Variants in IL1RAPL2 observed in about 807,000 individuals in gnomAD.
IL1RAPL2 encodes the protein X-linked interleukin-1 receptor accessory protein-like 2.
Under a neutral mutation model 44.1 loss-of-function variants are expected in IL1RAPL2, and 3 were observed. That is an observed-to-expected ratio of 0.07 (90% confidence interval 0.03 to 0.18). The LOEUF is 0.18. Ranked by LOEUF, IL1RAPL2 falls within the 10% of genes least tolerant of loss-of-function variation. IL1RAPL2 has a pLI of 1.00. For missense variants in IL1RAPL2, 391 were observed against 496.4 expected (o/e 0.79, Z 2.02); for synonymous variants, 181 against 178.8 (o/e 1.01, Z -0.10).
Position 105,317,582 on chromosome X carries a change from A to G in IL1RAPL2, c.697+50041A>G, listed in dbSNP as rs188904182. ...TGGAGAGCTAAACATAATCCAGATCATGAAGGATCGTTCATGATAGATATG... is the reference window on the plus strand; with the variant it reads ...TGGAGAGCTAAACATAATCCAGATCGTGAAGGATCGTTCATGATAGATATG... On this transcript the variant is annotated intron_variant, in intron 5 of 10. Transcript: ENST00000372582. 2.6e-4 allele frequency among the ~76,000 whole-genome samples: 29 copies of G among 111,851 alleles called. 1 individual carries two copies. In the East Asian group the frequency reaches 6.8e-3, roughly 26 times the overall value.
At chrX:105,106,241 A>G (rs1163518986) in intron 2 of IL1RAPL2, among the ~76,000 whole-genome samples, 3 of 111,543 alleles carry the variant, frequency 2.7e-5, no homozygotes, top group African/African-American at 9.8e-5. Flanking sequence ...CTGTCACCTA[A>G]AAATGTATGA....
chrX:104,869,123 A>G (rs1045144625), intron 2 of IL1RAPL2, among the ~76,000 whole-genome samples: 9 of 111,517 alleles, frequency 8.1e-5, no homozygotes, highest in African/African-American at 2.9e-4. Flanking sequence ...TTGTTTTTGT[A>G]AGGGGAAAAG....
chrX:105,406,060 G>C, intron 5 of IL1RAPL2: 1 of 1,201,134 alleles, frequency 8.3e-7, no homozygotes, highest in Non-Finnish European at 1.1e-6. Flanking sequence ...ACAACTACAC[G>C]CATTACTCCT....
At chrX:104,730,727 G>A (rs1220829706) in intron 2 of IL1RAPL2, among the ~76,000 whole-genome samples, 1 of 108,213 alleles carries the variant, frequency 9.2e-6, no homozygotes, top group African/African-American at 3.3e-5. Flanking sequence ...TAGTCCTTTG[G>A]GTATATACCC....
intron 5 of IL1RAPL2, among the ~76,000 whole-genome samples, chrX:105,311,701 T>C (rs1021670892): frequency 9.1e-6 from 1 of 109,560 alleles, no homozygotes; most frequent in Non-Finnish European, 1.9e-5. Context: ...ATTGTATTTA[T>C]ACTTATTTGT....
chrX:104,857,413 A>G (rs1331197703), intron 2 of IL1RAPL2, among the ~76,000 whole-genome samples: 1 of 111,851 alleles, frequency 8.9e-6, no homozygotes, highest in African/African-American at 3.2e-5. Context: ...TAGCAGTTAA[A>G]CATTTTTCAG....
intron 2 of IL1RAPL2, among the ~76,000 whole-genome samples, chrX:105,007,717 A>T (rs1016022166): frequency 4.5e-5 from 5 of 111,563 alleles, no homozygotes; most frequent in African/African-American, 1.6e-4. Context: ...ACATTCAATT[A>T]CTACATAATC....
At chrX:105,332,445 C>T (rs1279752848) in intron 5 of IL1RAPL2, among the ~76,000 whole-genome samples, 4 of 110,861 alleles carry the variant, frequency 3.6e-5, no homozygotes, top group African/African-American at 1.3e-4. Flanking sequence ...ATGTTCTGTA[C>T]TCAATGATAC....
chrX:105,051,679 G>C (rs1023599541), intron 2 of IL1RAPL2, among the ~76,000 whole-genome samples: 2 of 113,157 alleles, frequency 1.8e-5, no homozygotes, highest in South Asian at 3.6e-4. Context: ...CAGAAAGGGC[G>C]GGCCTCCCAC....
In IL1RAPL2 at chrX:105,447,646, TATAAATATAA is replaced by T. The variant is rs1224417889; in HGVS notation, c.698-36653_698-36644del. On this transcript the variant is annotated intron_variant, in intron 5 of 10. Transcript: ENST00000372582. ...AAATATATATTTATATAAATATAAA[TATAAATATAA>T]ATAAATATAAATATATATAAATATA... 5.8e-4 allele frequency among the ~76,000 whole-genome samples: 44 copies of T among 76,435 alleles called. 1 individual carries two copies. In the East Asian group the frequency reaches 0.017, roughly 30 times the overall value. The allele number at this position is 76,435 out of a possible 115,157, so 66.4% of individuals were successfully genotyped here. A position where few individuals can be genotyped will look rare whatever the true frequency, so the allele number is the denominator to read the frequency against.
intron 6 of IL1RAPL2, among the ~76,000 whole-genome samples, chrX:105,518,676 A>G (rs2036533412): frequency 8.9e-6 from 1 of 111,858 alleles, no homozygotes; most frequent in African/African-American, 3.2e-5. Context: ...TCTCACCACT[A>G]CTTGTAGAAA....
intron 10 of IL1RAPL2, among the ~76,000 whole-genome samples, chrX:105,762,305 A>G (rs2038694023): frequency 3.6e-5 from 4 of 111,647 alleles, no homozygotes. Flanking sequence ...TTTAGGTAGC[A>G]ACTTTCTTTG....
At chrX:104,949,366 C>T (rs1925500063) in intron 2 of IL1RAPL2, among the ~76,000 whole-genome samples, 2 of 111,146 alleles carry the variant, frequency 1.8e-5, no homozygotes, top group South Asian at 7.7e-4. Context: ...TTTCAAAAAA[C>T]CAGCTCCTGG....
intron 4 of IL1RAPL2, among the ~76,000 whole-genome samples, chrX:105,256,666 A>G (rs1328470709): frequency 1.8e-5 from 2 of 111,252 alleles, no homozygotes; most frequent in Non-Finnish European, 3.8e-5. Flanking sequence ...TAGTTTGTCC[A>G]GGGATTCAAT....
At chrX:104,993,364 C>T (rs2030697466) in intron 2 of IL1RAPL2, among the ~76,000 whole-genome samples, 1 of 111,264 alleles carries the variant, frequency 9.0e-6, no homozygotes, top group Admixed American at 9.6e-5. Context: ...GCATATTAAG[C>T]TTATGTATAC....
intron 5 of IL1RAPL2, among the ~76,000 whole-genome samples, chrX:105,359,720 G>T (rs933358683): frequency 9.1e-6 from 1 of 109,728 alleles, no homozygotes; most frequent in East Asian, 2.9e-4. Flanking sequence ...TATTGTTTTG[G>T]TCTCTAGTTG....
chrX:105,476,171 T>C (rs914967120), intron 5 of IL1RAPL2, among the ~76,000 whole-genome samples: 2 of 113,083 alleles, frequency 1.8e-5, no homozygotes, highest in Non-Finnish European at 3.7e-5. Context: ...CTTTAAGTTC[T>C]ATGCTAATAA....
intron 6 of IL1RAPL2, among the ~76,000 whole-genome samples, chrX:105,628,080 G>A (rs2037466060): frequency 8.9e-6 from 1 of 111,871 alleles, no homozygotes; most frequent in Admixed American, 9.5e-5. Context: ...TGCTAAGTGT[G>A]CCTTTTGCTC....
chrX:105,244,581 C>T (rs1209043405), intron 4 of IL1RAPL2, among the ~76,000 whole-genome samples: 1 of 111,153 alleles, frequency 9.0e-6, no homozygotes, highest in Non-Finnish European at 1.9e-5. Context: ...GCTTTGGAAT[C>T]CAAGAGAGAA....
Sources: allele counts gnomAD v4.1 joint callset (sites outside exome capture counted in the v4.1 genomes callset), GRCh38; gene constraint gnomAD v4.1.1; transcripts MANE v1.5; gene names NCBI Gene and HGNC (gene_info 2026-07-23, HGNC 2026-07-21).